The following SPATA3 variants were observed in gnomAD, a reference collection of about 807,000 sequenced individuals.
SPATA3 encodes spermatogenesis associated 3.
In SPATA3, 6 loss-of-function variants were observed where a neutral mutation model predicts 5.7. The observed-to-expected ratio is 1.06, with a 90% CI of 0.58 to 2.09. The LOEUF (loss-of-function observed/expected upper bound fraction) is 2.09, where lower values mean the gene tolerates loss of function less well. Among genes scored for constraint, SPATA3 ranks in the 30% most tolerant of loss-of-function variants. The pLI is 0.00. For missense variants in SPATA3, 155 were observed against 130.4 expected, an observed-to-expected ratio of 1.19 and a Z score of -0.92; for synonymous variants, 44 against 48.4, an observed-to-expected ratio of 0.91 and a Z score of 0.37.
intron 1 of SPATA3, among the ~76,000 whole-genome samples, chr2:230,997,135 C>T (rs1285412288): frequency 6.6e-6 from 1 of 152,178 alleles, no homozygotes; most frequent in Non-Finnish European, 1.5e-5. Context: ...TGTCCCCACC[C>T]AAATCTCTTC....
At chr2:231,002,762 C>T (rs1381060821) in exon 3 of SPATA3, 1 of 1,525,966 alleles carries the variant, frequency 6.6e-7, no homozygotes, top group Non-Finnish European at 8.8e-7. Context: ...GCTCTGGGGG[C>T]TCTAGGAGCT....
chr2:231,006,751 C>T (rs528995316), downstream of SPATA3: 22 of 152,306 alleles, frequency 1.4e-4, no homozygotes, highest in African/African-American at 5.3e-4. Flanking sequence ...ACAGTGACAT[C>T]TTTCCTTTTT....
downstream of SPATA3, among the ~76,000 whole-genome samples, chr2:231,005,348 A>G (rs1196850861): frequency 2.9e-5 from 4 of 140,238 alleles, no homozygotes; most frequent in African/African-American, 1.1e-4. Context: ...CACCATCATC[A>G]CCATCACCAC....
At position 231,016,002 on chromosome 2, in the gene SPATA3, G is replaced by A. The variant is rs559328594; in HGVS notation, c.*565+1790G>A. Among the ~76,000 whole-genome samples the A allele has an allele frequency of 2.0e-4, 30 of 152,294 alleles. 1 individual carries two copies. The South Asian group carries it at 6.0e-3, about 31-fold the overall frequency. On this transcript the variant is annotated intron_variant, in intron 6 of 8. Transcript: ENST00000452881. ...AAGTCCGGCTTGAAAATAGAAGGTG[G>A]GAGCCTCACCTCTTTGGGCATGGGC...
At chr2:230,996,749 G>A (rs990109614) in intron 1 of SPATA3, among the ~76,000 whole-genome samples, 1 of 152,208 alleles carries the variant, frequency 6.6e-6, no homozygotes, top group Non-Finnish European at 1.5e-5. Context: ...ACTGAAGACA[G>A]CCACACATAC....
At chr2:231,016,853 C>G (rs1692950902) in intron 6 of SPATA3, among the ~76,000 whole-genome samples, 1 of 152,146 alleles carries the variant, frequency 6.6e-6, no homozygotes, top group Non-Finnish European at 1.5e-5. Context: ...CTGAGATAAC[C>G]CAGGAAAACA....
chr2:231,019,960 A>T (rs915113145), intron 7 of SPATA3: 11 of 150,498 alleles, frequency 7.3e-5, no homozygotes, highest in African/African-American at 2.7e-4. Context: ...AAAACACAGG[A>T]TGAAGTTGTT....
chr2:231,014,358 T>C (rs1377646153), intron 6 of SPATA3: 3 of 152,240 alleles, frequency 2.0e-5, no homozygotes, highest in East Asian at 3.8e-4. Flanking sequence ...GCAAGTGCTA[T>C]GTTTCAGTTA....
intron 2 of SPATA3, among the ~76,000 whole-genome samples, chr2:231,000,871 G>A (rs749875670): frequency 9.9e-5 from 15 of 152,256 alleles, no homozygotes; most frequent in Admixed American, 5.9e-4. Flanking sequence ...TCACAGAGTC[G>A]CTCAGGAGCT....
At chr2:231,014,643 C>T (rs1270687531) in intron 6 of SPATA3, among the ~76,000 whole-genome samples, 6 of 152,104 alleles carry the variant, frequency 3.9e-5, no homozygotes, top group East Asian at 1.9e-4. Flanking sequence ...CTGGTGGCAT[C>T]GTGGGGCTCC....
chr2:231,018,832 G>A (rs894066319), intron 6 of SPATA3, among the ~76,000 whole-genome samples: 12 of 151,026 alleles, frequency 7.9e-5, no homozygotes, highest in South Asian at 4.2e-4. Flanking sequence ...TTACAGGCAC[G>A]TGCCACCACA....
At chr2:231,018,020 G>C (rs1692975348) in intron 6 of SPATA3, among the ~76,000 whole-genome samples, 1 of 151,948 alleles carries the variant, frequency 6.6e-6, no homozygotes, top group African/African-American at 2.4e-5. Flanking sequence ...CGCCTCCCAG[G>C]TTTAAGCCGT....
At chr2:231,015,456 C>A (rs930502470) in intron 6 of SPATA3, among the ~76,000 whole-genome samples, 1 of 152,048 alleles carries the variant, frequency 6.6e-6, no homozygotes, top group African/African-American at 2.4e-5. Flanking sequence ...AGAAATGCCC[C>A]GTGTACCAAA....
downstream of SPATA3, among the ~76,000 whole-genome samples, chr2:231,005,517 TCACCACCAC>T (rs1433132072): frequency 7.0e-4 from 5 of 7,108 alleles, no homozygotes; most frequent in Non-Finnish European, 1.5e-3. Context: ...ACCACCACCA[TCACCACCAC>T]CACCATCATC....
chr2:231,014,138 C>A (rs1041126268), exon 6 of SPATA3: 2 of 152,126 alleles, frequency 1.3e-5, no homozygotes, highest in Non-Finnish European at 2.9e-5. Flanking sequence ...TAACTAGAGA[C>A]CCAGAACGTC....
rs547445618 is a variant in SPATA3 at position 230,996,296 on chromosome 2, T to G, written c.791-4070T>G. The G allele has an allele frequency of 2.5e-5, 38 of 1,543,630 alleles. No homozygotes were observed. The South Asian group carries it at 4.2e-4, about 17-fold the overall frequency. On this transcript the variant is annotated intron_variant, in intron 1 of 2. Coordinates refer to ENST00000645363, the Ensembl canonical transcript of SPATA3. ...GCCACCGAGACTCCACCTCCCAGCATGCTAGCTCCAATTCCACCTCTCAGC... is the reference window on the plus strand; with the variant it reads ...GCCACCGAGACTCCACCTCCCAGCAGGCTAGCTCCAATTCCACCTCTCAGC...
At chr2:231,007,536 C>T (rs13387471), downstream of SPATA3, among the ~76,000 whole-genome samples, 54,542 of 152,088 alleles carry the variant, frequency 0.36, 9,995 homozygotes, top group South Asian at 0.46. Flanking sequence ...CAATAGCTAA[C>T]GTAGTTAGTC....
chr2:231,001,232 G>T (rs936375361), intron 2 of SPATA3, among the ~76,000 whole-genome samples: 2 of 152,144 alleles, frequency 1.3e-5, no homozygotes, highest in African/African-American at 4.8e-5. Flanking sequence ...CCCCATCCAT[G>T]CAGGGAACAG....
chr2:231,004,992 TCCTCACCATCATCACCAC>T (rs1692488816), downstream of SPATA3, among the ~76,000 whole-genome samples: 1 of 39,392 alleles, frequency 2.5e-5, no homozygotes, highest in Non-Finnish European at 5.4e-5. Context: ...CTCATCACCA[TCCTCACCATCATCACCAC>T]CATCATCACC....
Sources: allele counts gnomAD v4.1 joint callset (sites outside exome capture counted in the v4.1 genomes callset), GRCh38; gene constraint gnomAD v4.1.1; transcripts MANE v1.5; gene names NCBI Gene and HGNC (gene_info 2026-07-23, HGNC 2026-07-21).